HYDIN: variants seen among roughly 807,000 people sequenced by gnomAD.
The protein encoded by HYDIN is axonemal central pair apparatus protein HYDIN.
A neutral mutation model predicts 403.9 loss-of-function variants in HYDIN; 132 were observed. The ratio of observed to expected loss-of-function variants is 0.33; its 90% CI spans 0.28 to 0.38. The LOEUF (loss-of-function observed/expected upper bound fraction) is 0.38, where lower values mean the gene tolerates loss of function less well. Among genes scored for constraint, HYDIN ranks in the 10% least tolerant of loss-of-function variants. The pLI is 1.00. For missense variants in HYDIN, 2,827 were observed against 5,009.5 expected (o/e 0.56, Z 13.15); for synonymous variants, 1,202 against 1,891.7 (o/e 0.64, Z 9.46).
chr16:70,967,296 T>G (rs1276083961), intron 36 of HYDIN, among the ~76,000 whole-genome samples: 1 of 152,034 alleles, frequency 6.6e-6, no homozygotes, highest in Admixed American at 6.6e-5. Flanking sequence ...ATTTTGAAGC[T>G]ATTTTATTAA....
intron 7 of HYDIN, among the ~76,000 whole-genome samples, chr16:71,149,639 G>T (rs12935824): frequency 6.6e-6 from 1 of 152,030 alleles, no homozygotes; most frequent in Non-Finnish European, 1.5e-5. Flanking sequence ...CAATTCTCCT[G>T]CCTCAGCCTC....
chr16:71,157,516 C>T (rs1446519413), intron 6 of HYDIN, among the ~76,000 whole-genome samples: 1 of 150,098 alleles, frequency 6.7e-6, no homozygotes, highest in Non-Finnish European at 1.5e-5. Flanking sequence ...GATGTGACCA[C>T]AAATTCAACC....
Position 70,809,844 on chromosome 16 carries a change from C to T in HYDIN, c.14822G>A (p.Ser4941Asn). 1 of 1,614,206 alleles carries T rather than the reference C, an allele frequency of 6.2e-7. No homozygotes were observed. The highest frequency in any genetic ancestry group is 8.5e-7 in the Non-Finnish European group (1 of 1,180,034). The change falls in exon 85 of 86, where the codon AGC (serine) becomes AAC (asparagine). Residue 4941 changes from serine (S) to asparagine (N), a missense_variant. Transcript: ENST00000393567. The part of the protein sequence containing the change: ...PVHFQTVLGS[S>N]QIILVKFINY... ...GATGAACTTCACAAGGATGATTTGG[C>T]TGCTGCCAAGGACAGTCTGGAAGTG...
At chr16:70,942,730 G>GGCCACATCAT (rs2077721770) in intron 42 of HYDIN, among the ~76,000 whole-genome samples, 1 of 152,038 alleles carries the variant, frequency 6.6e-6, no homozygotes, top group Non-Finnish European at 1.5e-5. Flanking sequence ...CAGGTACCGT[G>GGCCACATCAT]GCCACATCAT....
intron 69 of HYDIN, among the ~76,000 whole-genome samples, 160 bp from the exon 70 acceptor site, chr16:70,861,061 T>C (rs778957144): frequency 6.6e-6 from 1 of 152,008 alleles, no homozygotes; most frequent in African/African-American, 2.4e-5. Context: ...CTTGAATGCA[T>C]GACTGGGCTG....
At chr16:70,928,946 G>A (rs903797133) in intron 45 of HYDIN, among the ~76,000 whole-genome samples, 2 of 139,264 alleles carry the variant, frequency 1.4e-5, no homozygotes, top group African/African-American at 5.4e-5. Flanking sequence ...ATGGCCAGAT[G>A]CAAGGCTTTC....
chr16:70,833,095 G>C (rs764256445), intron 79 of HYDIN, 28 bp from the exon 80 acceptor site: 1 of 1,584,628 alleles, frequency 6.3e-7, no homozygotes, highest in Non-Finnish European at 8.6e-7. Context: ...AGAAAAGAAA[G>C]AGAGTTTATG....
At chr16:71,212,848 T>C (rs561613234) in intron 1 of HYDIN, among the ~76,000 whole-genome samples, 1 of 151,966 alleles carries the variant, frequency 6.6e-6, no homozygotes, top group Admixed American at 6.6e-5. Context: ...GCTCAAAAAG[T>C]CTCAAACTAG....
intron 58 of HYDIN, among the ~76,000 whole-genome samples, chr16:70,887,045 G>T (rs2041183154): frequency 6.6e-6 from 1 of 152,108 alleles, no homozygotes; most frequent in Admixed American, 6.5e-5. Flanking sequence ...TAGATCTTTA[G>T]ATCTTTTGTT....
At chr16:70,925,035 G>C (rs1403310858) in intron 45 of HYDIN, among the ~76,000 whole-genome samples, 1 of 152,156 alleles carries the variant, frequency 6.6e-6, no homozygotes, top group Non-Finnish European at 1.5e-5. Flanking sequence ...CCCAGGGACT[G>C]AAGCTCAGTT....
At chr16:71,157,006 G>A (rs1245556866) in intron 6 of HYDIN, among the ~76,000 whole-genome samples, 2 of 141,984 alleles carry the variant, frequency 1.4e-5, no homozygotes, top group African/African-American at 2.7e-5. Context: ...TTATTTTATT[G>A]TAGAGGTTTA....
chr16:70,817,817 C>T (rs2035941160), intron 84 of HYDIN, among the ~76,000 whole-genome samples: 1 of 152,110 alleles, frequency 6.6e-6, no homozygotes, highest in African/African-American at 2.4e-5. Flanking sequence ...TCTCGGCTCA[C>T]TGCAGCCTCC....
At chr16:71,198,043 G>A (rs1023674489) in intron 1 of HYDIN, among the ~76,000 whole-genome samples, 5 of 152,156 alleles carry the variant, frequency 3.3e-5, no homozygotes, top group South Asian at 4.1e-4. Flanking sequence ...CACAGAGCCC[G>A]GCCCCTTAAT....
intron 9 of HYDIN, 133 bp downstream of exon 9, chr16:71,129,507 G>T (rs2084617553): frequency 1.4e-6 from 1 of 703,196 alleles, no homozygotes; most frequent in Non-Finnish European, 2.3e-6. Context: ...CACAGTGATG[G>T]TGAGTTTCTT....
At chr16:71,227,041 A>T (rs374849972) in intron 1 of HYDIN, among the ~76,000 whole-genome samples, 2 of 152,150 alleles carry the variant, frequency 1.3e-5, no homozygotes, top group African/African-American at 4.8e-5. Context: ...CTGGCATTTC[A>T]GTAACAAAAT....
At chr16:71,184,397 G>A (rs1416895940) in intron 3 of HYDIN, among the ~76,000 whole-genome samples, 1 of 152,090 alleles carries the variant, frequency 6.6e-6, no homozygotes, top group Non-Finnish European at 1.5e-5. Context: ...ATAGAAACAT[G>A]ATAAAATCAC....
At position 71,067,722 on chromosome 16, in the gene HYDIN, A is replaced by G. The variant is rs1008245193; in HGVS notation, c.1975-332T>C. ...ACCAACTTTAATTACTGCAATTTAA[A>G]TTGTTCCCTACCTCTGGGCTATATG... is the stretch of plus-strand genomic sequence containing the variant. On this transcript the variant is annotated intron_variant, in intron 14 of 85. Coordinates refer to ENST00000393567, the MANE Select transcript of HYDIN (RefSeq NM_001270974.2). Among the ~76,000 whole-genome samples, 25 of 152,106 alleles carry G rather than the reference A, an allele frequency of 1.6e-4. 1 individual carries two copies. Among genetic ancestry groups the G allele is most frequent in the Non-Finnish European group, 1.5e-5 (1 of 68,024 alleles).
At chr16:71,139,275 T>C (rs1479502870) in intron 7 of HYDIN, among the ~76,000 whole-genome samples, 1 of 152,064 alleles carries the variant, frequency 6.6e-6, no homozygotes, top group Non-Finnish European at 1.5e-5. Flanking sequence ...ACTCAATTTT[T>C]TGGGGGGGGA....
At chr16:71,062,722 G>C (rs1389647518) in intron 16 of HYDIN, 1 of 154,036 alleles carries the variant, frequency 6.5e-6, no homozygotes, top group Non-Finnish European at 1.4e-5. Context: ...AGAGGCTGCT[G>C]GTGTTTCCTG....
Sources: gnomAD v4.1 joint callset for allele counts (sites outside exome capture counted in the v4.1 genomes callset) on GRCh38, gnomAD v4.1.1 for gene constraint, MANE v1.5 for transcripts, NCBI Gene and HGNC (gene_info 2026-07-23, HGNC 2026-07-21) for gene names.